Variants in TNRC6C observed in about 807,000 individuals in gnomAD.
The protein encoded by TNRC6C is trinucleotide repeat-containing gene 6C protein.
A neutral mutation model predicts 153.7 loss-of-function variants in TNRC6C; 20 were observed. The observed-to-expected ratio is 0.13, with a 90% confidence interval of 0.09 to 0.19. TNRC6C has a LOEUF of 0.19. Among genes scored for constraint, TNRC6C ranks in the 10% least tolerant of loss-of-function variants. The pLI is 1.00. For synonymous variants in TNRC6C, 811 were observed against 841.4 expected (o/e 0.96, Z 0.63); for missense variants, 1,987 against 2,172.0 (o/e 0.91, Z 1.69).
At chr17:78,077,826 G>C (rs1372438639) in intron 9 of TNRC6C, 5 of 168,284 alleles carry the variant, frequency 3.0e-5, no homozygotes, top group Admixed American at 3.0e-4. Context: ...TCAAAAGTCT[G>C]TGGGTACAGG....
chr17:78,067,035 T>C (rs2072893816), intron 4 of TNRC6C: 1 of 152,342 alleles, frequency 6.6e-6, no homozygotes, highest in South Asian at 2.1e-4. Flanking sequence ...TACAGATTTA[T>C]GAAGCATCCC....
intron 1 of TNRC6C, among the ~76,000 whole-genome samples, chr17:77,982,344 A>C (rs958018226): frequency 6.6e-6 from 1 of 152,208 alleles, no homozygotes; most frequent in African/African-American, 2.4e-5. Flanking sequence ...TGAAAAAAAA[A>C]ATAGTCACTC....
chr17:78,093,982 C>CA (rs2073437944), intron 16 of TNRC6C, among the ~76,000 whole-genome samples: 1 of 141,350 alleles, frequency 7.1e-6, no homozygotes, highest in Non-Finnish European at 1.6e-5. Flanking sequence ...ATTATTATTA[C>CA]TTTTTTTTTT....
At chr17:78,088,003 A>G (rs77923355) in intron 13 of TNRC6C, among the ~76,000 whole-genome samples, 12,862 of 152,268 alleles carry the variant, frequency 0.084, 623 homozygotes, top group East Asian at 0.18. Flanking sequence ...GAGTCTGTAG[A>G]TACAGGACAA....
chr17:78,049,966 C>A lies in TNRC6C; in HGVS notation c.904C>A (p.Pro302Thr). The A allele has an allele frequency of 6.2e-7, 1 of 1,614,040 alleles. No individual in the cohort carries two copies. Among genetic ancestry groups the A allele is most frequent in the Non-Finnish European group, 8.5e-7 (1 of 1,179,900 alleles). The change falls in exon 3 of 20, where the codon CCT becomes ACT. Residue 302 changes from proline (P) to threonine (T), a missense_variant. Pro to Thr is a conservative substitution (Grantham distance 38). Transcript: ENST00000301624. The surrounding 1 kb of genome is among the most constrained non-coding windows in gnomAD (Gnocchi z 4.1). The stretch of plus-strand genomic sequence containing the variant: ...TGGAGGAAATGCTTGGGATTCAGGA[C>A]CTCCTGCTGGTCCTGGAATACTCGC...
chr17:78,062,032 T>G (rs1404818540), intron 3 of TNRC6C, among the ~76,000 whole-genome samples: 1 of 152,236 alleles, frequency 6.6e-6, no homozygotes, highest in Non-Finnish European at 1.5e-5. Context: ...TTTTTATAGC[T>G]AATTGGTCTT....
chr17:77,984,964 C>T (rs763852380), intron 1 of TNRC6C, among the ~76,000 whole-genome samples: 3 of 152,188 alleles, frequency 2.0e-5, no homozygotes, highest in Non-Finnish European at 4.4e-5. Flanking sequence ...CTAGTTAACA[C>T]ATCTTCATAT....
Position 77,970,098 on chromosome 17 carries a change from C to G in TNRC6C, c.-38+10830C>G, listed in dbSNP as rs188708203. On this transcript the variant is annotated intron_variant, in intron 1 of 22. Transcript: ENST00000636222. Reference sequence around the variant, plus strand: ...TTCCCTCACTTGACCCATTTTTCTTCTGCATTATATCTTTCTTCTGGTTCT... The same window carrying G: ...TTCCCTCACTTGACCCATTTTTCTTGTGCATTATATCTTTCTTCTGGTTCT... 1.6e-4 allele frequency among the ~76,000 whole-genome samples: 24 copies of G among 152,296 alleles called. No individual in the cohort carries two copies. In the East Asian group the frequency reaches 4.2e-3, roughly 27 times the overall value.
rs940630394 is a variant in TNRC6C at position 78,049,220 on chromosome 17, G to A, written c.158G>A (p.Gly53Asp). 5.6e-6 allele frequency: 9 copies of A among 1,612,670 alleles called. No individual in the cohort carries two copies. The highest frequency in any genetic ancestry group is 6.8e-6 in the Non-Finnish European group (8 of 1,179,228). Residue 53 changes from glycine (G) to aspartate (D), a missense_variant, in exon 3 of 20, where the codon GGT (glycine) becomes GAT (aspartate). This residue lies in a region of TNRC6C where 1,052 missense variants were observed against 1,017.0 expected (regional missense o/e 1.03). Coordinates refer to ENST00000301624, the Ensembl canonical transcript of TNRC6C. This position sits in a 1 kb window ranked among gnomAD's most constrained non-coding sequence, Gnocchi z 4.1. ...AATGGAAGTGCGGCCAGAGTGTGGG[G>A]TGTAGCCACAGGCTCCAGCTCTGGC... is the stretch of plus-strand genomic sequence containing the variant.
chr17:78,069,879 G>A (rs1017865892), intron 5 of TNRC6C, among the ~76,000 whole-genome samples: 3 of 152,174 alleles, frequency 2.0e-5, no homozygotes, highest in Non-Finnish European at 4.4e-5. Context: ...CACACGTAGT[G>A]TATCAGCTTC....
chr17:77,963,946 A>G (rs1381426674), intron 1 of TNRC6C, among the ~76,000 whole-genome samples: 4 of 152,154 alleles, frequency 2.6e-5, no homozygotes, highest in Non-Finnish European at 5.9e-5. Context: ...CTGTCCCACC[A>G]TCTTCCTCTT....
chr17:77,980,090 T>G lies in TNRC6C; in HGVS notation c.-38+20822T>G, dbSNP rs2071053532. On this transcript the variant is annotated intron_variant, in intron 1 of 22. Transcript: ENST00000636222. ...GAAAGTTCTTCAGGTAAAAGGAAAA[T>G]TATCCCAGCTGGAAGCATGGAGATG... Among the ~76,000 whole-genome samples, 4 of 152,188 alleles carry G rather than the reference T, an allele frequency of 2.6e-5. No homozygotes were observed. The South Asian group carries it at 6.2e-4, about 24-fold the overall frequency.
intron 16 of TNRC6C, among the ~76,000 whole-genome samples, chr17:78,095,617 C>G (rs191714029): frequency 1.3e-5 from 2 of 152,222 alleles, no homozygotes; most frequent in African/African-American, 4.8e-5. Context: ...CCCTTCAGCT[C>G]GTGACCAGCA....
chr17:78,055,506 G>A (rs2072636386), intron 3 of TNRC6C, among the ~76,000 whole-genome samples: 1 of 152,182 alleles, frequency 6.6e-6, no homozygotes, highest in Non-Finnish European at 1.5e-5. Context: ...ATTATGATGG[G>A]TATGGCGTCA....
In TNRC6C at chr17:78,022,218, T is replaced by G. The variant is rs146264437; in HGVS notation, c.-545-9298T>G. ...CCTGCCCTACTCACATAACAGTTAT[T>G]CAAGGTGGAAAGGGAAGACTGGTTA... On this transcript the variant is annotated intron_variant, in intron 1 of 19. Coordinates refer to ENST00000301624, the Ensembl canonical transcript of TNRC6C. 2.7e-3 allele frequency among the ~76,000 whole-genome samples: 412 copies of G among 152,318 alleles called. 1 individual carries two copies. Among genetic ancestry groups the G allele is most frequent in the African/African-American group, 8.4e-3 (348 of 41,560 alleles).
chr17:78,039,707 C>T (rs559788997), intron 2 of TNRC6C, among the ~76,000 whole-genome samples: 1 of 152,320 alleles, frequency 6.6e-6, no homozygotes, highest in South Asian at 2.1e-4. Flanking sequence ...CACACAAGGG[C>T]ATCCAGAGCA....
At chr17:77,990,702 A>G (rs1039496590) in intron 1 of TNRC6C, among the ~76,000 whole-genome samples, 6 of 152,190 alleles carry the variant, frequency 3.9e-5, no homozygotes, top group African/African-American at 1.4e-4. Flanking sequence ...TTCCCATAGA[A>G]TTAGGTTTTA....
intron 1 of TNRC6C, among the ~76,000 whole-genome samples, chr17:78,012,375 A>G (rs1403672208): frequency 3.9e-5 from 6 of 152,132 alleles, no homozygotes; most frequent in Non-Finnish European, 7.4e-5. Flanking sequence ...AGGAGCAGAA[A>G]AGATCAGTGT....
At chr17:78,021,071 T>C (rs1048786461) in intron 1 of TNRC6C, among the ~76,000 whole-genome samples, 14 of 152,220 alleles carry the variant, frequency 9.2e-5, no homozygotes, top group Non-Finnish European at 1.5e-4. Context: ...TGTTTGACTT[T>C]TGGATGTGTT....
Sources: allele counts gnomAD v4.1 joint callset (sites outside exome capture counted in the v4.1 genomes callset), GRCh38; gene constraint gnomAD v4.1.1; regional missense constraint gnomAD v4.1.1; non-coding constraint Gnocchi (gnomAD v3.1); transcripts MANE v1.5; gene names NCBI Gene and HGNC (gene_info 2026-07-23, HGNC 2026-07-21).